The following KCNE3 variants were observed in gnomAD, a reference collection of about 807,000 sequenced individuals.
KCNE3 encodes potassium voltage-gated channel subfamily E regulatory subunit 3, also known as potassium voltage-gated channel subfamily E member 3.
KCNE3 carries 2 observed loss-of-function variants against 4.3 expected under a neutral mutation model. The ratio of observed to expected loss-of-function variants is 0.47; its 90% CI spans 0.19 to 1.48. The LOEUF is 1.48. KCNE3 is among the 40% of genes most tolerant of loss of function. KCNE3 has a pLI of 0.25. For synonymous variants in KCNE3, 47 were observed against 52.0 expected (o/e 0.90, Z 0.41); for missense variants, 128 against 136.8 (o/e 0.94, Z 0.32).
chr11:74,466,127 T>A (rs1345377729), intron 1 of KCNE3, among the ~76,000 whole-genome samples: 1 of 152,200 alleles, frequency 6.6e-6, no homozygotes, highest in Non-Finnish European at 1.5e-5. Flanking sequence ...TCAGGAGACC[T>A]GGGTTCCTGC....
intron 2 of KCNE3, among the ~76,000 whole-genome samples, chr11:74,460,627 A>G (rs1421288017): frequency 6.6e-6 from 1 of 152,214 alleles, no homozygotes; most frequent in Non-Finnish European, 1.5e-5. Flanking sequence ...GTTTAGAAGA[A>G]TGGAAAGTAG....
intron 1 of KCNE3, among the ~76,000 whole-genome samples, chr11:74,465,771 C>G (rs1211358172): frequency 2.6e-5 from 4 of 152,198 alleles, no homozygotes; most frequent in African/African-American, 9.7e-5. Context: ...GCCTACCACA[C>G]ATGAGAACTA....
In KCNE3 at chr11:74,462,036, C is replaced by G. The variant is rs1040669369; in HGVS notation, c.-122G>C. 7 of 152,252 alleles carry G rather than the reference C, an allele frequency of 4.6e-5. No homozygotes were observed. The highest frequency in any genetic ancestry group is 1.7e-4 in the African/African-American group (7 of 41,442). 9.4% of individuals were successfully genotyped at this position (152,252 alleles called of 1,614,324 possible). On this transcript the variant is annotated 5_prime_UTR_variant, in exon 2 of 3. Transcript: ENST00000310128. Reference sequence around the variant, plus strand: ...ACACTAAGGCTCCTCCACCCCCGAGCCTCTTCAGGATGTCTCTGGACACAT... The same window carrying G: ...ACACTAAGGCTCCTCCACCCCCGAGGCTCTTCAGGATGTCTCTGGACACAT...
At chr11:74,465,928 C>T (rs538305388) in intron 1 of KCNE3, among the ~76,000 whole-genome samples, 1 of 152,324 alleles carries the variant, frequency 6.6e-6, no homozygotes, top group Admixed American at 6.5e-5. Context: ...TGTCTCCTTT[C>T]CCACTCCAGG....
chr11:74,456,973 A>G lies in KCNE3; in HGVS notation c.*279T>C, dbSNP rs1863830823. ...AGGCCCCTAATACTCCAGCCACTGA[A>G]CCAGTTATTGGTCATTATCTGTTGC... On this transcript the variant is annotated 3_prime_UTR_variant, in exon 3 of 3. Transcript: ENST00000310128. 2.1e-6 allele frequency: 1 copy of G among 484,774 alleles called. No homozygotes were observed. Among genetic ancestry groups the G allele is most frequent in the Admixed American group, 3.4e-5 (1 of 29,232 alleles). 30.0% of individuals were successfully genotyped at this position (484,774 alleles called of 1,614,324 possible).
chr11:74,464,606 C>G (rs768918689), intron 1 of KCNE3, among the ~76,000 whole-genome samples: 10 of 152,194 alleles, frequency 6.6e-5, no homozygotes, highest in Non-Finnish European at 1.0e-4. Context: ...ACCCTCCTCC[C>G]CAAGGGAATC....
chr11:74,465,856 T>C (rs1230837896), intron 1 of KCNE3, among the ~76,000 whole-genome samples: 1 of 152,130 alleles, frequency 6.6e-6, no homozygotes, highest in Non-Finnish European at 1.5e-5. Flanking sequence ...GGTCACACTG[T>C]TTTCCTTTTC....
Position 74,457,567 on chromosome 11 carries a change from A to T in KCNE3, c.-4T>A. 1 of 1,614,034 alleles carries T rather than the reference A, an allele frequency of 6.2e-7. No homozygotes were observed. The highest frequency in any genetic ancestry group is 2.2e-5 in the East Asian group (1 of 44,880). ...CCGTTCCATTGGTAGTCTCCATAGC[A>T]ACAGGGATTGAGGTGGGGGAAGACT... is the stretch of plus-strand genomic sequence containing the variant. On this transcript the variant is annotated 5_prime_UTR_variant, in exon 3 of 3. Transcript: ENST00000310128.
At position 74,457,530 on chromosome 11, in the gene KCNE3, CAT is replaced by C; in HGVS notation, c.32_33del (p.Tyr11Ter). On this transcript the variant is annotated frameshift_variant, in exon 3 of 3. Transcript: ENST00000310128. LOFTEE classifies it high-confidence loss of function. METTNGTETW[Y>X]ESLHAVLKAL... ...GCCTTCAGCACGGCATGCAGGCTCT[CAT>C]ACCAGGTCTCCGTTCCATTGGTAGT... 6.2e-7 allele frequency: 1 copy of C among 1,614,212 alleles called. No individual in the cohort carries two copies. Among genetic ancestry groups the C allele is most frequent in the Non-Finnish European group, 8.5e-7 (1 of 1,180,042 alleles).
At chr11:74,466,501 G>C (rs960759246) in intron 1 of KCNE3, among the ~76,000 whole-genome samples, 1 of 152,170 alleles carries the variant, frequency 6.6e-6, no homozygotes, top group African/African-American at 2.4e-5. Flanking sequence ...AGTGGAGAGA[G>C]CCCTGGGCTA....
At chr11:74,459,489 C>T (rs1460226224) in intron 2 of KCNE3, among the ~76,000 whole-genome samples, 1 of 151,994 alleles carries the variant, frequency 6.6e-6, no homozygotes, top group African/African-American at 2.4e-5. Flanking sequence ...GTCTCGATCT[C>T]CTGACTTTGT....
chr11:74,456,794 CGGGGGCA>C lies in KCNE3; in HGVS notation c.*451_*457del. On this transcript the variant is annotated 3_prime_UTR_variant, in exon 3 of 3. Transcript: ENST00000310128. ...ACTTGCCCTGCTTTCTTCACGGGAG[CGGGGGCA>C]GGGTGGTGGTGGTAAATCATATCTG... The C allele has an allele frequency of 4.5e-6, 1 of 222,586 alleles. No individual in the cohort carries two copies. Among genetic ancestry groups the C allele is most frequent in the Non-Finnish European group, 9.1e-6 (1 of 109,514 alleles). The allele number at this position is 222,586 out of a possible 1,614,324, so 13.8% of individuals were successfully genotyped here. A position where few individuals can be genotyped will look rare whatever the true frequency, so the allele number is the denominator to read the frequency against.
At chr11:74,461,421 A>G (rs550639168) in intron 2 of KCNE3, among the ~76,000 whole-genome samples, 12 of 152,016 alleles carry the variant, frequency 7.9e-5, no homozygotes, top group Admixed American at 3.9e-4. Context: ...ACCTGAGGTC[A>G]GGAGTTCGAG....
In KCNE3 at chr11:74,461,783, T is replaced by TA. The variant is rs766713854; in HGVS notation, c.-41+171dup. 4.0e-3 allele frequency among the ~76,000 whole-genome samples: 557 copies of TA among 139,776 alleles called. 2 individuals are homozygous for TA. Among genetic ancestry groups the TA allele is most frequent in the East Asian group, 0.019 (94 of 4,932 alleles). The allele number at this position is 139,776 out of a possible 152,430, so 91.7% of individuals were successfully genotyped here. A position where few individuals can be genotyped will look rare whatever the true frequency, so the allele number is the denominator to read the frequency against. Reference sequence around the variant, plus strand: ...AGAAGCAAATATGTACACATAGGTTTAAAAAAAAAAAAAAAGAATGGACGC... The same window carrying TA: ...AGAAGCAAATATGTACACATAGGTTTAAAAAAAAAAAAAAAAGAATGGACGC... On this transcript the variant is annotated intron_variant, in intron 2 of 2. Transcript: ENST00000310128.
intron 2 of KCNE3, among the ~76,000 whole-genome samples, chr11:74,459,933 C>A (rs3867279): frequency 0.17 from 26,415 of 152,126 alleles, 2,426 homozygotes; most frequent in Admixed American, 0.25. Context: ...TCAATAGTTT[C>A]TAGTAGAGAT....
chr11:74,462,397 C>A (rs551179517), intron 1 of KCNE3: 1 of 152,258 alleles, frequency 6.6e-6, no homozygotes, highest in East Asian at 1.9e-4. Flanking sequence ...AAAATGTGGA[C>A]TCCCACTCAG....
rs77174407 is a variant in KCNE3, at chr11:74,466,052, C to G, written c.-190+1346G>C. Among the ~76,000 whole-genome samples the G allele has an allele frequency of 6.6e-3, 999 of 152,218 alleles. 13 individuals carry two copies. The highest frequency in any genetic ancestry group is 0.023 in the African/African-American group (975 of 41,532). The stretch of plus-strand genomic sequence containing the variant: ...TACCCTCTATGATCATTCCCGCAGT[C>G]CCTTATCATTGAGGGGTACCATTCT... On this transcript the variant is annotated intron_variant, in intron 1 of 2. Coordinates refer to ENST00000310128, the MANE Select transcript of KCNE3 (RefSeq NM_005472.5).
rs1375727571 is a variant in KCNE3, at chr11:74,462,069, C to T, written c.-155G>A. The T allele has an allele frequency of 1.3e-5, 2 of 152,366 alleles. No homozygotes were observed. Among genetic ancestry groups the T allele is most frequent in the African/African-American group, 2.4e-5 (1 of 41,454 alleles). The allele number at this position is 152,366 out of a possible 1,614,324, so 9.4% of individuals were successfully genotyped here. A position where few individuals can be genotyped will look rare whatever the true frequency, so the allele number is the denominator to read the frequency against. ...GGATGTCTCTGGACACATCTGGGAT[C>T]TCAGTATTGACTTCGGAGCTGGGAA... On this transcript the variant is annotated 5_prime_UTR_variant, in exon 2 of 3. Coordinates refer to ENST00000310128, the MANE Select transcript of KCNE3 (RefSeq NM_005472.5).
At position 74,460,882 on chromosome 11, in the gene KCNE3, C is replaced by T. The variant is rs923762677; in HGVS notation, c.-41+1073G>A. On this transcript the variant is annotated intron_variant, in intron 2 of 2. Coordinates refer to ENST00000310128, the MANE Select transcript of KCNE3 (RefSeq NM_005472.5). ...GCTGGAATTGAGGCAGTGAGCCCAG[C>T]TACCAGAGTCTTGAAATAGTTTAGT... Among the ~76,000 whole-genome samples, 10 of 152,280 alleles carry T rather than the reference C, an allele frequency of 6.6e-5. No homozygotes were observed. The South Asian group carries it at 2.1e-3, about 32-fold the overall frequency.
Sources: gnomAD v4.1 joint callset for allele counts (sites outside exome capture counted in the v4.1 genomes callset) on GRCh38, gnomAD v4.1.1 for gene constraint, MANE v1.5 for transcripts, NCBI Gene and HGNC (gene_info 2026-07-23, HGNC 2026-07-21) for gene names.